The following CCR5AS variants were observed in gnomAD, a reference collection of about 807,000 sequenced individuals.
CCR5AS encodes CCR5 antisense RNA.
chr3:46,378,544 G>A (rs1009496612), intron 2 of CCR5AS, among the ~76,000 whole-genome samples: 7 of 152,084 alleles, frequency 4.6e-5, no homozygotes, highest in Admixed American at 2.0e-4. Flanking sequence ...GGGTCATACT[G>A]CCCCCGCGAG....
chr3:46,401,598 T>G (rs1034144117), intron 1 of CCR5AS, among the ~76,000 whole-genome samples: 24 of 152,226 alleles, frequency 1.6e-4, no homozygotes, highest in African/African-American at 5.3e-4. Flanking sequence ...GTGTCCCTAA[T>G]AGTGTCATGG....
intron 1 of CCR5AS, among the ~76,000 whole-genome samples, chr3:46,405,669 G>C (rs1367956559): frequency 6.6e-6 from 1 of 152,098 alleles, no homozygotes; most frequent in Non-Finnish European, 1.5e-5. Context: ...ACACAAGAGA[G>C]GAGAGGGCAC....
intron 1 of CCR5AS, among the ~76,000 whole-genome samples, chr3:46,403,144 A>G (rs978588894): frequency 6.6e-6 from 1 of 152,178 alleles, no homozygotes; most frequent in South Asian, 2.1e-4. Context: ...TCTGTCATTG[A>G]TGGGCATTTA....
At chr3:46,393,860 G>A (rs1441908894) in intron 1 of CCR5AS, among the ~76,000 whole-genome samples, 1 of 152,200 alleles carries the variant, frequency 6.6e-6, no homozygotes, top group Non-Finnish European at 1.5e-5. Flanking sequence ...ATATCTCAGG[G>A]TTAAATCGGC....
At chr3:46,381,327 A>T (rs865807824) in intron 2 of CCR5AS, among the ~76,000 whole-genome samples, 12 of 152,304 alleles carry the variant, frequency 7.9e-5, no homozygotes, top group Non-Finnish European at 1.3e-4. Context: ...AACTCTTTCC[A>T]TGAAAGCATT....
chr3:46,403,582 C>G (rs920472663), intron 1 of CCR5AS, among the ~76,000 whole-genome samples: 4 of 152,234 alleles, frequency 2.6e-5, no homozygotes, highest in African/African-American at 9.6e-5. Flanking sequence ...AAAAAATGCC[C>G]TCCCTCCCCA....
intron 3 of CCR5AS, among the ~76,000 whole-genome samples, chr3:46,366,806 G>A (rs1403420175): frequency 6.6e-6 from 1 of 152,170 alleles, no homozygotes; most frequent in Non-Finnish European, 1.5e-5. Flanking sequence ...GCGTGGCACT[G>A]GATGGGGGTA....
intron 2 of CCR5AS, among the ~76,000 whole-genome samples, chr3:46,380,827 G>GT (rs1701809279): frequency 6.6e-6 from 1 of 152,198 alleles, no homozygotes; most frequent in Admixed American, 6.5e-5. Flanking sequence ...CTGCCCTGTG[G>GT]TTCCCCACTG....
At chr3:46,372,810 T>G (rs975386661) in intron 2 of CCR5AS, 33 of 924,286 alleles carry the variant, frequency 3.6e-5, no homozygotes, top group Middle Eastern at 3.0e-4. Context: ...AACCTATTGA[T>G]GTATAAAACA....
At chr3:46,374,140 G>A (rs1701719095) in intron 2 of CCR5AS, 2 of 431,246 alleles carry the variant, frequency 4.6e-6, no homozygotes, top group Admixed American at 4.0e-5. Flanking sequence ...GATCTTTTAA[G>A]CCCATCAATT....
intron 3 of CCR5AS, among the ~76,000 whole-genome samples, chr3:46,370,670 A>G (rs1701649282): frequency 6.6e-6 from 1 of 152,156 alleles, no homozygotes; most frequent in Admixed American, 6.5e-5. Context: ...TCTAGCTCTG[A>G]TATCCTTTAT....
At chr3:46,381,456 A>C (rs1701816109) in intron 2 of CCR5AS, among the ~76,000 whole-genome samples, 1 of 152,232 alleles carries the variant, frequency 6.6e-6, no homozygotes, top group Non-Finnish European at 1.5e-5. Flanking sequence ...GTTTAAACAC[A>C]TGTACACACA....
At position 46,365,055 on chromosome 3, in the gene CCR5AS, C is replaced by T. The variant is rs143226343; in HGVS notation, n.566-10G>A. 9.8e-3 allele frequency: 1,528 copies of T among 155,924 alleles called. 6 individuals carry two copies. The highest frequency in any genetic ancestry group is 0.015 in the African/African-American group (639 of 41,626). 9.7% of individuals were successfully genotyped at this position (155,924 alleles called of 1,614,324 possible). A position where few individuals can be genotyped will look rare whatever the true frequency, so the allele number is the denominator to read the frequency against. ...CCTCCTGGTGAAGATGCTGTGAACACGGTTAAAATGACAACAATCGATTTA... is the reference window on the plus strand; with the variant it reads ...CCTCCTGGTGAAGATGCTGTGAACATGGTTAAAATGACAACAATCGATTTA... On this transcript the variant is annotated splice_polypyrimidine_tract_variant and intron_variant and non_coding_transcript_variant, in intron 3 of 3. Transcript: ENST00000451485.
chr3:46,376,641 T>C (rs930607528), intron 2 of CCR5AS, among the ~76,000 whole-genome samples: 2 of 152,226 alleles, frequency 1.3e-5, no homozygotes, highest in Non-Finnish European at 2.9e-5. Flanking sequence ...GCACATCATA[T>C]GTGAGAATGA....
intron 3 of CCR5AS, among the ~76,000 whole-genome samples, chr3:46,368,808 G>C (rs1405275542): frequency 2.6e-5 from 4 of 152,148 alleles, no homozygotes; most frequent in Non-Finnish European, 4.4e-5. Flanking sequence ...CCCTCTGGGG[G>C]TGAGTATGTC....
chr3:46,400,666 T>G (rs1444638723), intron 1 of CCR5AS, among the ~76,000 whole-genome samples: 1 of 150,712 alleles, frequency 6.6e-6, no homozygotes, highest in Non-Finnish European at 1.5e-5. Flanking sequence ...AGCTGAGACT[T>G]GGGCACCAGA....
chr3:46,398,288 A>C (rs2106777755), intron 1 of CCR5AS, among the ~76,000 whole-genome samples: 1 of 152,244 alleles, frequency 6.6e-6, no homozygotes, highest in South Asian at 2.1e-4. Flanking sequence ...TCTGGAAAGG[A>C]GTGCTCCCAC....
intron 3 of CCR5AS, among the ~76,000 whole-genome samples, chr3:46,367,729 T>G (rs1701613744): frequency 6.6e-6 from 1 of 152,056 alleles, no homozygotes; most frequent in Non-Finnish European, 1.5e-5. Flanking sequence ...CACCACCACA[T>G]CCAGCTAATT....
chr3:46,373,206 C>T (rs1294651548), intron 2 of CCR5AS: 46 of 1,614,056 alleles, frequency 2.8e-5, no homozygotes, highest in Non-Finnish European at 3.8e-5. Flanking sequence ...TACAATGTGT[C>T]AACTCTTGAC....
Sources: gnomAD v4.1 joint callset for allele counts (sites outside exome capture counted in the v4.1 genomes callset) on GRCh38, gnomAD v4.1.1 for gene constraint, MANE v1.5 for transcripts, NCBI Gene and HGNC (gene_info 2026-07-23, HGNC 2026-07-21) for gene names.